ALDH9A1: variants seen among roughly 807,000 people sequenced by gnomAD.
ALDH9A1 encodes the protein aldehyde dehydrogenase 9 family member A1.
ALDH9A1 carries 42 observed loss-of-function variants against 56.6 expected under a neutral mutation model. The observed-to-expected ratio is 0.74, with a 90% CI of 0.58 to 0.96. The LOEUF (loss-of-function observed/expected upper bound fraction) is 0.96, where lower values mean the gene tolerates loss of function less well. Among genes scored for constraint, ALDH9A1 ranks in the 40% least tolerant of loss-of-function variants. The pLI, the probability that ALDH9A1 is intolerant of heterozygous loss-of-function variation, is 0.00. For missense variants in ALDH9A1, 661 were observed against 651.5 expected, an observed-to-expected ratio of 1.01 and a Z score of -0.16; for synonymous variants, 242 against 236.0, an observed-to-expected ratio of 1.03 and a Z score of -0.23.
At chr1:165,682,700 A>G (rs7555787) in intron 3 of ALDH9A1, 243,281 of 357,938 alleles carry the variant, frequency 0.68, 84,342 homozygotes, top group East Asian at 0.98. Context: ...ACCGATTCTT[A>G]TGAAAACTGG....
intron 6 of ALDH9A1, among the ~76,000 whole-genome samples, chr1:165,678,609 A>C (rs557273752): frequency 6.6e-6 from 1 of 152,340 alleles, no homozygotes; most frequent in South Asian, 2.1e-4. Flanking sequence ...TTACTGCATG[A>C]AAGTTTGATG....
chr1:165,679,817 G>A (rs1399113102), intron 5 of ALDH9A1, among the ~76,000 whole-genome samples: 1 of 152,122 alleles, frequency 6.6e-6, no homozygotes, highest in Admixed American at 6.6e-5. Context: ...TATTGTCCCA[G>A]CCTGGGCAAC....
Position 165,669,006 on chromosome 1 carries a change from T to A in ALDH9A1, c.1127A>T (p.Lys376Ile). Residue 376 changes from lysine (K) to isoleucine (I), a missense_variant, in exon 8 of 11, where the codon AAA (lysine) becomes ATA (isoleucine). Physicochemically the swap from Lys to Ile is moderately radical, Grantham distance 102. Transcript: ENST00000354775. ...FVKVAKEQGA[K>I]VLCGGDIYVP... ...ATATATATCTCCACCACATAACACTTTAGCACCCTGCCGAAAAGGAAAAAA... is the reference window on the plus strand; with the variant it reads ...ATATATATCTCCACCACATAACACTATAGCACCCTGCCGAAAAGGAAAAAA... The A allele has an allele frequency of 9.4e-6, 15 of 1,595,684 alleles. No individual in the cohort carries two copies. Among genetic ancestry groups the A allele is most frequent in the Non-Finnish European group, 1.3e-5 (15 of 1,174,320 alleles).
chr1:165,685,068 C>A (rs61125729), intron 2 of ALDH9A1, among the ~76,000 whole-genome samples: 5,418 of 152,270 alleles, frequency 0.036, 320 homozygotes, highest in African/African-American at 0.12. Flanking sequence ...AAAGATGTCT[C>A]TGACAAAAAT....
rs1648969158 is a variant in ALDH9A1 at position 165,665,157 on chromosome 1, T to C, written c.1350-27A>G. 3 of 1,580,224 alleles carry C rather than the reference T, an allele frequency of 1.9e-6. No homozygotes were observed. In the Admixed American group the frequency reaches 5.0e-5, roughly 27 times the overall value. ...TATGAAGAAAAAAAAAATGTGTGCA[T>C]TATTGAGAGTTTCTTAGGCTACTAC... is the stretch of plus-strand genomic sequence containing the variant. On this transcript the variant is annotated intron_variant, in intron 9 of 10. Transcript: ENST00000354775.
At chr1:165,689,964 T>C (rs4557947) in intron 2 of ALDH9A1, among the ~76,000 whole-genome samples, 100,382 of 145,748 alleles carry the variant, frequency 0.69, 34,934 homozygotes, top group East Asian at 0.98. Context: ...TAAACAGAAA[T>C]TAGTGCTAAG....
intron 6 of ALDH9A1, chr1:165,671,380 A>G (rs1649174634): frequency 4.4e-6 from 2 of 454,174 alleles, no homozygotes; most frequent in South Asian, 1.6e-5. Context: ...GACATGAAGG[A>G]GCAGATTTAA....
At chr1:165,691,338 A>G (rs1460426568) in intron 2 of ALDH9A1, among the ~76,000 whole-genome samples, 3 of 152,238 alleles carry the variant, frequency 2.0e-5, no homozygotes, top group Non-Finnish European at 2.9e-5. Context: ...GAATAGCATC[A>G]ACATCAACAA....
rs998028999 is a variant in ALDH9A1, at chr1:165,694,970, A to T, written c.327+282T>A. Among the ~76,000 whole-genome samples, 13 of 150,110 alleles carry T rather than the reference A, an allele frequency of 8.7e-5. No individual in the cohort carries two copies. The East Asian group carries it at 9.7e-4, about 11-fold the overall frequency. ...GATTCCGTCTCAAAAAAAAAAAAAA[A>T]TAAAAATAAAAAAAGGACGATGAGC... On this transcript the variant is annotated intron_variant, in intron 2 of 10. Coordinates refer to ENST00000354775, the MANE Select transcript of ALDH9A1 (RefSeq NM_000696.4).
At chr1:165,682,306 G>T (rs901926363) in intron 3 of ALDH9A1, 65 bp from the exon 4 acceptor site, 1 of 1,555,452 alleles carries the variant, frequency 6.4e-7, no homozygotes. Context: ...ACCAACATCT[G>T]TACCAGTCTG....
chr1:165,688,323 C>G (rs1387685931), intron 2 of ALDH9A1, among the ~76,000 whole-genome samples: 1 of 151,940 alleles, frequency 6.6e-6, no homozygotes, highest in East Asian at 1.9e-4. Context: ...TCTCAAAAAA[C>G]AAAACAAAAC....
rs1451018237 is a variant in ALDH9A1, at chr1:165,680,634, C to A, written c.642G>T (p.Leu214Phe). The A allele has an allele frequency of 1.9e-6, 3 of 1,614,026 alleles. No homozygotes were observed. The highest frequency in any genetic ancestry group is 1.3e-5 in the African/African-American group (1 of 75,028). The change falls in exon 5 of 11, where the codon TTG (leucine) becomes TTT (phenylalanine). Residue 214 changes from leucine (L) to phenylalanine (F), a missense_variant. Transcript: ENST00000354775. ...KPSPFTPVSA[L>F]LLAEIYSEAG... ...CCTCACTGTAGATTTCAGCCAGTAG[C>A]AATGCAGAAACAGGTGTAAAGGGAG... is the stretch of plus-strand genomic sequence containing the variant.
In ALDH9A1 at chr1:165,698,524, G is replaced by A. The variant is rs548627494; in HGVS notation, c.35C>T (p.Pro12Leu). ...FLRAGLAALS[P>L]LLRSLRPSPV... is the part of the protein sequence containing the mutation. ...AGAGGGCCGAAGACTGCGAAGAAGCGGGGAGAGCGCGGCCAGGCCTGCTCG... is the reference window on the plus strand; with the variant it reads ...AGAGGGCCGAAGACTGCGAAGAAGCAGGGAGAGCGCGGCCAGGCCTGCTCG... The change falls in exon 1 of 11, where the codon CCG (proline) becomes CTG (leucine). Residue 12 changes from proline to leucine, a missense_variant. By Grantham distance (98) the Pro-to-Leu change is moderately conservative (BLOSUM62 -3). Transcript: ENST00000354775. The A allele has an allele frequency of 1.9e-6, 3 of 1,610,418 alleles. No homozygotes were observed. The highest frequency in any genetic ancestry group is 2.2e-5 in the East Asian group (1 of 44,698).
chr1:165,698,076 A>G (rs1650150855), intron 1 of ALDH9A1, among the ~76,000 whole-genome samples: 1 of 152,064 alleles, frequency 6.6e-6, no homozygotes, highest in Admixed American at 6.5e-5. Flanking sequence ...ACAAAAAAGG[A>G]AGTTAACAGA....
At chr1:165,693,292 G>A (rs572228228) in intron 2 of ALDH9A1, among the ~76,000 whole-genome samples, 4 of 152,080 alleles carry the variant, frequency 2.6e-5, no homozygotes, top group Non-Finnish European at 5.9e-5. Context: ...TACAGAATGG[G>A]AGAAAATTTT....
At chr1:165,669,483 G>A (rs112550701) in intron 6 of ALDH9A1, 33 bp from the exon 7 acceptor site, 6 of 1,529,046 alleles carry the variant, frequency 3.9e-6, no homozygotes, top group Admixed American at 4.4e-5. Flanking sequence ...CAATTTCTAT[G>A]TGTGTAAGGA....
intron 2 of ALDH9A1, 150 bp from the exon 3 acceptor site, chr1:165,683,260 G>T: frequency 1.2e-6 from 1 of 841,832 alleles, no homozygotes; most frequent in Non-Finnish European, 1.9e-6. Flanking sequence ...ATTTAGAAGA[G>T]AGATAAAGGC....
At chr1:165,688,551 C>G (rs1649783686) in intron 2 of ALDH9A1, among the ~76,000 whole-genome samples, 1 of 151,876 alleles carries the variant, frequency 6.6e-6, no homozygotes, top group Non-Finnish European at 1.5e-5. Context: ...AACCCCATCT[C>G]TACAAAAAAT....
At chr1:165,670,466 C>T (rs1649141936) in intron 6 of ALDH9A1, among the ~76,000 whole-genome samples, 1 of 151,540 alleles carries the variant, frequency 6.6e-6, no homozygotes, top group Non-Finnish European at 1.5e-5. Context: ...ACTGGTAATT[C>T]CTCTAAAACC....
Sources: allele counts gnomAD v4.1 joint callset (sites outside exome capture counted in the v4.1 genomes callset), GRCh38; gene constraint gnomAD v4.1.1; transcripts MANE v1.5; gene names NCBI Gene and HGNC (gene_info 2026-07-23, HGNC 2026-07-21).